RELA: variants seen among roughly 807,000 people sequenced by gnomAD.
RELA encodes RELA proto-oncogene, NF-kB subunit.
In RELA, 14 loss-of-function variants were observed where a neutral mutation model predicts 56.7. The observed-to-expected ratio is 0.25, with a 90% CI of 0.16 to 0.39. The LOEUF (loss-of-function observed/expected upper bound fraction) is 0.39, where lower values mean the gene tolerates loss of function less well. Among genes scored for constraint, RELA ranks in the 10% least tolerant of loss-of-function variants. The pLI is 1.00. For synonymous variants in RELA, 315 were observed against 289.7 expected, an observed-to-expected ratio of 1.09 and a Z score of -0.89; for missense variants, 559 against 736.4, an observed-to-expected ratio of 0.76 and a Z score of 2.79.
At chr11:65,656,624 C>T (rs1156902205) in intron 8 of RELA, among the ~76,000 whole-genome samples, 1 of 152,216 alleles carries the variant, frequency 6.6e-6, no homozygotes, top group Non-Finnish European at 1.5e-5. Flanking sequence ...TGCCAGCCTC[C>T]CTTCTAGACA....
upstream of RELA, chr11:65,663,118 C>G: frequency 4.3e-6 from 1 of 233,410 alleles, no homozygotes; most frequent in Non-Finnish European, 8.2e-6. Flanking sequence ...GGTGGCTCGG[C>G]TAGCTCCCGG....
At position 65,655,011 on chromosome 11, in the gene RELA, GAGAC is replaced by G. The variant is rs756888230; in HGVS notation, c.1034-15_1034-12del. ...GATAGGGCTGGGGTGCTGGAGGAGAGAGACAGAGAGGCAGGGGTCAGAGAAAGCC... is the reference window on the plus strand; with the variant it reads ...GATAGGGCTGGGGTGCTGGAGGAGAGAGAGAGGCAGGGGTCAGAGAAAGCC... On this transcript the variant is annotated splice_polypyrimidine_tract_variant and intron_variant, in intron 10 of 10. Transcript: ENST00000406246. 5.9e-5 allele frequency: 93 copies of G among 1,585,456 alleles called. No individual in the cohort carries two copies. The highest frequency in any genetic ancestry group is 7.6e-5 in the Non-Finnish European group (88 of 1,165,476).
chr11:65,662,711 G>T, intron 1 of RELA, 115 bp downstream of exon 1: 2 of 852,986 alleles, frequency 2.3e-6, no homozygotes, highest in Non-Finnish European at 3.1e-6. Flanking sequence ...CAGGCCGACC[G>T]CTCCCTGCGC....
chr11:65,660,067 A>G, intron 5 of RELA, 57 bp downstream of exon 5: 1 of 1,528,718 alleles, frequency 6.5e-7, no homozygotes, highest in Non-Finnish European at 9.1e-7. Flanking sequence ...GATGCAGGAA[A>G]GGCGGGCTGG....
chr11:65,658,210 C>A lies in RELA; in HGVS notation c.877+77G>T. 3 of 1,143,558 alleles carry A rather than the reference C, an allele frequency of 2.6e-6. No homozygotes were observed. The highest frequency in any genetic ancestry group is 3.1e-5 in the South Asian group (2 of 65,010). 70.8% of individuals were successfully genotyped at this position (1,143,558 alleles called of 1,614,324 possible). ...TCCAGCTTCTGGCCCTCAACCACAG[C>A]CCCAGACATGCAGTCTTGGCCTCTC... On this transcript the variant is annotated intron_variant, in intron 8 of 10. Coordinates refer to ENST00000406246, the MANE Select transcript of RELA (RefSeq NM_021975.4). The surrounding 1 kb of genome is among the most constrained non-coding windows in gnomAD (Gnocchi z 4.5).
At chr11:65,661,481 C>T in intron 4 of RELA, 1 of 483,476 alleles carries the variant, frequency 2.1e-6, no homozygotes, top group Admixed American at 3.5e-5. Flanking sequence ...GATTAGGGAC[C>T]CATCCGTATC....
At chr11:65,655,402 T>G in intron 10 of RELA, 1 of 586,550 alleles carries the variant, frequency 1.7e-6, no homozygotes, top group Non-Finnish European at 3.0e-6. Flanking sequence ...ATCTTGCTAA[T>G]TTAGAGGTGA....
intron 6 of RELA, 133 bp downstream of exon 6, chr11:65,659,533 C>T (rs145668758): frequency 1.7e-6 from 2 of 1,173,314 alleles, no homozygotes; most frequent in Admixed American, 1.9e-5. Context: ...AAGAGCTGGG[C>T]AGAGAAGAGT....
At chr11:65,663,261 A>G (rs1225462518), upstream of RELA, among the ~76,000 whole-genome samples, 1 of 151,886 alleles carries the variant, frequency 6.6e-6, no homozygotes, top group Non-Finnish European at 1.5e-5. Context: ...AGCCAGGGCT[A>G]CTGGGCTGCG....
At position 65,653,969 on chromosome 11, in the gene RELA, A is replaced by G. The variant is rs1339436232; in HGVS notation, c.*409T>C. On this transcript the variant is annotated 3_prime_UTR_variant, in exon 11 of 11. Transcript: ENST00000406246. Reference sequence around the variant, plus strand: ...GGTATCTGGGGCGTTATTTTGATTAAGCTGTAATGAATCCATGATGGAAGA... The same window carrying G: ...GGTATCTGGGGCGTTATTTTGATTAGGCTGTAATGAATCCATGATGGAAGA... 2 of 281,644 alleles carry G rather than the reference A, an allele frequency of 7.1e-6. No homozygotes were observed. Among genetic ancestry groups the G allele is most frequent in the Non-Finnish European group, 1.4e-5 (2 of 145,284 alleles). 17.4% of individuals were successfully genotyped at this position (281,644 alleles called of 1,614,324 possible).
chr11:65,661,871 G>A (rs765424703), intron 3 of RELA, 36 bp from the exon 4 acceptor site: 11 of 1,602,334 alleles, frequency 6.9e-6, no homozygotes, highest in Non-Finnish European at 7.7e-6. Context: ...ATCCAAACCT[G>A]ACTCCCAAAC....
chr11:65,660,075 T>C, intron 5 of RELA, 49 bp downstream of exon 5: 1 of 1,556,086 alleles, frequency 6.4e-7, no homozygotes, highest in Non-Finnish European at 8.9e-7. Flanking sequence ...AAAGGCGGGC[T>C]GGGGAGGGTG....
chr11:65,660,493 T>TGGACACTCATTCCCAC, intron 4 of RELA: 7 of 491,390 alleles, frequency 1.4e-5, no homozygotes, highest in East Asian at 7.1e-5. Flanking sequence ...CATTCCCACC[T>TGGACACTCATTCCCAC]CAAGGCCTTT....
chr11:65,653,946 T>C lies in RELA; in HGVS notation c.*432A>G, dbSNP rs1856346960. ...AATGCCAGTGCCATACAGGGGCTGG[T>C]ATCTGGGGCGTTATTTTGATTAAGC... On this transcript the variant is annotated 3_prime_UTR_variant, in exon 11 of 11. Transcript: ENST00000406246. 7.4e-6 allele frequency: 2 copies of C among 270,000 alleles called. No individual in the cohort carries two copies. Among genetic ancestry groups the C allele is most frequent in the Admixed American group, 5.4e-5 (1 of 18,668 alleles). The allele number at this position is 270,000 out of a possible 1,614,324, so 16.7% of individuals were successfully genotyped here. A position where few individuals can be genotyped will look rare whatever the true frequency, so the allele number is the denominator to read the frequency against.
In RELA at chr11:65,659,723, G is replaced by C. The variant is rs1416924926; in HGVS notation, c.502C>G (p.Pro168Ala). ...RLCFQVTVRD[P>A]SGRPLRLPPV... The stretch of plus-strand genomic sequence containing the variant: ...GGCAGGCGGAGGGGCCTGCCTGATG[G>C]GTCCCGCACTGTCACCTGGAAGCAG... The change falls in exon 6 of 11, where the codon CCA becomes GCA. Residue 168 changes from proline (P) to alanine (A), a missense_variant. This residue lies in a region of RELA where 149 missense variants were observed against 256.0 expected (regional missense o/e 0.58). Coordinates refer to ENST00000406246, the MANE Select transcript of RELA (RefSeq NM_021975.4). 18 of 1,613,866 alleles carry C rather than the reference G, an allele frequency of 1.1e-5. No homozygotes were observed. Among genetic ancestry groups the C allele is most frequent in the Non-Finnish European group, 1.5e-5 (18 of 1,180,022 alleles).
Position 65,654,296 on chromosome 11 carries a change from A to G in RELA, c.*82T>C. ...ACAAAGTTGGGGGCAGTTGGAACAC[A>G]CCCCACCAGAATCCGTAAGTGCTTT... On this transcript the variant is annotated 3_prime_UTR_variant, in exon 11 of 11. Coordinates refer to ENST00000406246, the MANE Select transcript of RELA (RefSeq NM_021975.4). 6.3e-7 allele frequency: 1 copy of G among 1,580,344 alleles called. No individual in the cohort carries two copies. The highest frequency in any genetic ancestry group is 8.7e-7 in the Non-Finnish European group (1 of 1,152,804).
chr11:65,656,053 CCTT>C (rs1856419750), intron 8 of RELA, 118 bp from the exon 9 acceptor site: 1 of 814,032 alleles, frequency 1.2e-6, no homozygotes, highest in Non-Finnish European at 2.1e-6. Context: ...ATTCTCCCAA[CCTT>C]CTCTGCCAAT....
chr11:65,655,512 G>A, intron 10 of RELA, 176 bp downstream of exon 10: 1 of 621,252 alleles, frequency 1.6e-6, no homozygotes, highest in Non-Finnish European at 2.9e-6. Flanking sequence ...GTGGCACGGT[G>A]GTTCCCAGGC....
At chr11:65,659,025 A>T (rs1172223939) in intron 6 of RELA, among the ~76,000 whole-genome samples, 1 of 152,088 alleles carries the variant, frequency 6.6e-6, no homozygotes. Context: ...TGCACTCAAC[A>T]CTGATCTAAG....
Sources: allele counts gnomAD v4.1 joint callset (sites outside exome capture counted in the v4.1 genomes callset), GRCh38; gene constraint gnomAD v4.1.1; regional missense constraint gnomAD v4.1.1; non-coding constraint Gnocchi (gnomAD v3.1); transcripts MANE v1.5; gene names NCBI Gene and HGNC (gene_info 2026-07-23, HGNC 2026-07-21).